ZMAT4: variants seen among roughly 807,000 people sequenced by gnomAD.
The protein encoded by ZMAT4 is zinc finger matrin-type protein 4.
ZMAT4 carries 17 observed loss-of-function variants against 28.7 expected under a neutral mutation model. The observed-to-expected ratio is 0.59, with a 90% CI of 0.41 to 0.89. The LOEUF (loss-of-function observed/expected upper bound fraction) is 0.89, where lower values mean the gene tolerates loss of function less well. ZMAT4 is among the 40% of genes least tolerant of loss of function. ZMAT4 has a pLI of 0.00. For synonymous variants in ZMAT4, 117 were observed against 109.2 expected (o/e 1.07, Z -0.44); for missense variants, 240 against 283.8 (o/e 0.85, Z 1.11).
At chr8:40,801,347 A>ATATATAT (rs1174640469) in intron 2 of ZMAT4, among the ~76,000 whole-genome samples, 1 of 48,570 alleles carries the variant, frequency 2.1e-5, no homozygotes, top group African/African-American at 9.3e-5. Context: ...TCTTTAAAAA[A>ATATATAT]AAAAATATAT....
At chr8:40,875,372 G>T (rs1472916221) in intron 1 of ZMAT4, among the ~76,000 whole-genome samples, 1 of 152,098 alleles carries the variant, frequency 6.6e-6, no homozygotes. Flanking sequence ...CGCATGTTGA[G>T]GGGGAGACAA....
intron 5 of ZMAT4, among the ~76,000 whole-genome samples, chr8:40,670,684 A>G (rs553172810): frequency 1.6e-4 from 25 of 152,200 alleles, no homozygotes; most frequent in Non-Finnish European, 3.7e-4. Context: ...TCTCAAATAA[A>G]AGGCAAAAAA....
chr8:40,856,046 TC>T (rs1197104153), intron 1 of ZMAT4, among the ~76,000 whole-genome samples: 1 of 151,220 alleles, frequency 6.6e-6, no homozygotes, highest in Non-Finnish European at 1.5e-5. Context: ...CACAAGACCC[TC>T]CCCCCGGTAG....
At chr8:40,538,775 T>A (rs2118369312) in intron 6 of ZMAT4, among the ~76,000 whole-genome samples, 1 of 152,224 alleles carries the variant, frequency 6.6e-6, no homozygotes, top group Admixed American at 6.5e-5. Flanking sequence ...TTATTGCATT[T>A]TTCTTTCTCT....
chr8:40,614,993 T>A (rs536078078), intron 5 of ZMAT4, among the ~76,000 whole-genome samples: 70 of 152,312 alleles, frequency 4.6e-4, no homozygotes, highest in African/African-American at 1.7e-3. Context: ...TATTTTGCTC[T>A]TTAGTTGATG....
intron 3 of ZMAT4, among the ~76,000 whole-genome samples, chr8:40,742,116 G>C (rs1434505624): frequency 1.6e-5 from 2 of 125,990 alleles, no homozygotes; most frequent in Non-Finnish European, 3.4e-5. Flanking sequence ...AACCAAGCTG[G>C]GTGTGGTTGC....
chr8:40,803,464 C>A (rs1367924139), intron 2 of ZMAT4, among the ~76,000 whole-genome samples: 1 of 152,144 alleles, frequency 6.6e-6, no homozygotes, highest in Non-Finnish European at 1.5e-5. Context: ...AGAAGGTACA[C>A]AGGTGGCAAA....
intron 2 of ZMAT4, among the ~76,000 whole-genome samples, chr8:40,815,699 G>A (rs2150600550): frequency 6.6e-6 from 1 of 152,306 alleles, no homozygotes; most frequent in South Asian, 2.1e-4. Context: ...AAATGCTATA[G>A]GTCAGACATG....
At chr8:40,660,996 C>G (rs1808168591) in intron 5 of ZMAT4, among the ~76,000 whole-genome samples, 1 of 152,098 alleles carries the variant, frequency 6.6e-6, no homozygotes, top group African/African-American at 2.4e-5. Flanking sequence ...TCTTGGTATT[C>G]CAGGGTTTAT....
chr8:40,721,805 C>T (rs796583334), intron 3 of ZMAT4, among the ~76,000 whole-genome samples: 250 of 151,724 alleles, frequency 1.6e-3, no homozygotes, highest in African/African-American at 5.4e-3. Flanking sequence ...TCATGTCCTT[C>T]GCCCACTTTT....
intron 5 of ZMAT4, among the ~76,000 whole-genome samples, chr8:40,586,911 A>G (rs10958624): frequency 0.22 from 33,935 of 152,078 alleles, 4,441 homozygotes; most frequent in Non-Finnish European, 0.3. Flanking sequence ...GATCATGAGG[A>G]AGAAAGTAAG....
At chr8:40,601,366 G>C (rs1282546770) in intron 5 of ZMAT4, among the ~76,000 whole-genome samples, 1 of 143,020 alleles carries the variant, frequency 7.0e-6, no homozygotes, top group Non-Finnish European at 1.5e-5. Flanking sequence ...CAGGTAAAGA[G>C]GCTGATAGCC....
At chr8:40,869,382 G>GT (rs1179148776) in intron 1 of ZMAT4, among the ~76,000 whole-genome samples, 1 of 152,054 alleles carries the variant, frequency 6.6e-6, no homozygotes, top group East Asian at 1.9e-4. Flanking sequence ...TTTTGTTTTT[G>GT]TTTTTTGCCC....
At chr8:40,532,641 A>T (rs189414605) in intron 6 of ZMAT4, among the ~76,000 whole-genome samples, 1 of 152,272 alleles carries the variant, frequency 6.6e-6, no homozygotes, top group East Asian at 1.9e-4. Flanking sequence ...CTAAATTTCA[A>T]ATTAATATAA....
chr8:40,709,021 T>C (rs1380914852), intron 3 of ZMAT4, among the ~76,000 whole-genome samples: 1 of 152,156 alleles, frequency 6.6e-6, no homozygotes. Flanking sequence ...CAGTCATCCT[T>C]CAGTATCCAT....
chr8:40,544,584 T>A (rs767505860), intron 6 of ZMAT4, among the ~76,000 whole-genome samples: 8 of 152,200 alleles, frequency 5.3e-5, no homozygotes, highest in Non-Finnish European at 8.8e-5. Flanking sequence ...TGGAGAGAAT[T>A]GTGGGTATAA....
At chr8:40,698,976 A>G (rs976126012) in intron 3 of ZMAT4, among the ~76,000 whole-genome samples, 4 of 152,152 alleles carry the variant, frequency 2.6e-5, no homozygotes, top group Non-Finnish European at 4.4e-5. Context: ...TGAGGGTTTA[A>G]AGCCAAAGTG....
At chr8:40,767,792 C>CT in intron 2 of ZMAT4, 62 bp from the exon 3 acceptor site, 1 of 1,362,080 alleles carries the variant, frequency 7.3e-7, no homozygotes, top group Non-Finnish European at 1.0e-6. Context: ...CCTTTGAAAC[C>CT]TAGCCAGTGC....
chr8:40,808,715 G>GAA, intron 2 of ZMAT4: 4 of 221,538 alleles, frequency 1.8e-5, no homozygotes, highest in East Asian at 1.4e-4. Context: ...TGAAGAGGAA[G>GAA]AAAAAAAAAA....
Sources: gnomAD v4.1 joint callset for allele counts (sites outside exome capture counted in the v4.1 genomes callset) on GRCh38, gnomAD v4.1.1 for gene constraint, MANE v1.5 for transcripts, NCBI Gene and HGNC (gene_info 2026-07-23, HGNC 2026-07-21) for gene names.